ARIH2: variants seen among roughly 807,000 people sequenced by gnomAD.
ARIH2 encodes E3 ubiquitin-protein ligase ARIH2.
ARIH2 carries 12 observed loss-of-function variants against 79.8 expected under a neutral mutation model. The observed-to-expected ratio is 0.15, with a 90% CI of 0.10 to 0.24. The LOEUF is 0.24. Among genes scored for constraint, ARIH2 ranks in the 10% least tolerant of loss-of-function variants. ARIH2 has a pLI of 1.00. For missense variants in ARIH2, 301 were observed against 618.3 expected (o/e 0.49, Z 5.44); for synonymous variants, 224 against 213.9 (o/e 1.05, Z -0.41).
chr3:48,941,749 C>T (rs1434256867), intron 3 of ARIH2, among the ~76,000 whole-genome samples: 2 of 151,170 alleles, frequency 1.3e-5, no homozygotes, highest in Admixed American at 6.6e-5. Context: ...CCTGCCACCA[C>T]GCCCGGCTAA....
At chr3:48,948,943 C>T (rs2089586404) in intron 3 of ARIH2, 9 of 357,468 alleles carry the variant, frequency 2.5e-5, no homozygotes, top group Admixed American at 6.2e-5. Context: ...TTTGTTTACC[C>T]ATTCATTTGT....
rs752073580 is a variant in ARIH2 at position 48,983,319 on chromosome 3, C to T, written c.*49C>T. The T allele has an allele frequency of 1.3e-6, 2 of 1,592,696 alleles. No homozygotes were observed. Among genetic ancestry groups the T allele is most frequent in the Non-Finnish European group, 1.7e-6 (2 of 1,161,748 alleles). On this transcript the variant is annotated 3_prime_UTR_variant, in exon 16 of 16. Transcript: ENST00000356401. ...TGAGGAAGATGTGGCTGCAAGGTCT[C>T]CCGGCTGCCATACTGCATGCTGCAG...
At chr3:48,937,038 A>C (rs556769541) in intron 3 of ARIH2, among the ~76,000 whole-genome samples, 3 of 152,338 alleles carry the variant, frequency 2.0e-5, no homozygotes, top group Middle Eastern at 3.4e-3. Context: ...AAAAAAAAAA[A>C]CATGAATGAT....
chr3:48,932,170 A>G (rs906063164), intron 3 of ARIH2, among the ~76,000 whole-genome samples: 2 of 152,194 alleles, frequency 1.3e-5, no homozygotes, highest in African/African-American at 4.8e-5. Flanking sequence ...TCAAGGGCTC[A>G]AGATAGAGAA....
intron 7 of ARIH2, among the ~76,000 whole-genome samples, chr3:48,969,821 A>G (rs550561571): frequency 1.3e-5 from 2 of 151,614 alleles, no homozygotes; most frequent in East Asian, 1.9e-4. Context: ...CACATGCCGC[A>G]GGATAAACAG....
chr3:48,962,863 G>GT (rs984810033), intron 4 of ARIH2, among the ~76,000 whole-genome samples: 138 of 151,434 alleles, frequency 9.1e-4, no homozygotes, highest in African/African-American at 3.0e-3. Context: ...CGTATGGTAT[G>GT]TTTTTTTTTA....
At chr3:48,932,890 G>A (rs549672140) in intron 3 of ARIH2, among the ~76,000 whole-genome samples, 1 of 152,176 alleles carries the variant, frequency 6.6e-6, no homozygotes, top group African/African-American at 2.4e-5. Context: ...TGGTGTAGAA[G>A]GGCAATGCAG....
At chr3:48,956,520 C>T (rs1307933261) in intron 3 of ARIH2, among the ~76,000 whole-genome samples, 1 of 120,868 alleles carries the variant, frequency 8.3e-6, no homozygotes, top group African/African-American at 3.2e-5. Context: ...TGGTGTTGAA[C>T]TCCTGGGCTA....
In ARIH2 at chr3:48,927,522, A is replaced by T. The variant is rs753160014; in HGVS notation, c.-37A>T. 1 of 1,595,864 alleles carries T rather than the reference A, an allele frequency of 6.3e-7. No individual in the cohort carries two copies. On this transcript the variant is annotated 5_prime_UTR_variant, in exon 3 of 16. Transcript: ENST00000356401. ...GTTTTGGGGGGAGGGGGAAAAAGCA[A>T]CTGCTTTCCTGATCTGCAACTTGGC...
chr3:48,974,994 T>C lies in ARIH2; in HGVS notation c.961+15T>C. ...ATGTAAACACGGTGAGTTCCAAGCTTGGTGTGTAAGGCCCAGTGGCACTTT... is the reference window on the plus strand; with the variant it reads ...ATGTAAACACGGTGAGTTCCAAGCTCGGTGTGTAAGGCCCAGTGGCACTTT... On this transcript the variant is annotated intron_variant, in intron 11 of 15. Transcript: ENST00000356401. 1 of 1,614,204 alleles carries C rather than the reference T, an allele frequency of 6.2e-7. No individual in the cohort carries two copies. Among genetic ancestry groups the C allele is most frequent in the Non-Finnish European group, 8.5e-7 (1 of 1,180,032 alleles).
At chr3:48,948,795 A>G (rs1338810738) in intron 3 of ARIH2, among the ~76,000 whole-genome samples, 1 of 152,222 alleles carries the variant, frequency 6.6e-6, no homozygotes, top group Non-Finnish European at 1.5e-5. Flanking sequence ...AATTTGAATT[A>G]TACAATATGT....
At chr3:48,937,295 G>T (rs946678157) in intron 3 of ARIH2, among the ~76,000 whole-genome samples, 1 of 152,114 alleles carries the variant, frequency 6.6e-6, no homozygotes, top group African/African-American at 2.4e-5. Context: ...CTTTTTACAA[G>T]AAATCTTTCT....
chr3:48,940,313 T>C (rs2087898966), intron 3 of ARIH2, among the ~76,000 whole-genome samples: 1 of 151,982 alleles, frequency 6.6e-6, no homozygotes, highest in African/African-American at 2.4e-5. Context: ...GAGGTTGTGG[T>C]GAGCCCAGAT....
chr3:48,963,619 G>A (rs879373240), intron 4 of ARIH2, among the ~76,000 whole-genome samples: 5 of 152,126 alleles, frequency 3.3e-5, no homozygotes, highest in African/African-American at 9.7e-5. Context: ...ATATAGAAAA[G>A]GAATTATTGG....
At chr3:48,955,892 A>G (rs1364900695) in intron 3 of ARIH2, among the ~76,000 whole-genome samples, 1 of 151,978 alleles carries the variant, frequency 6.6e-6, no homozygotes. Flanking sequence ...CTTTTAGAAT[A>G]TATTATTCTA....
At chr3:48,958,801 G>A (rs1316995033) in intron 3 of ARIH2, among the ~76,000 whole-genome samples, 8 of 152,058 alleles carry the variant, frequency 5.3e-5, no homozygotes, top group Non-Finnish European at 1.0e-4. Flanking sequence ...GATTGCTTGC[G>A]CTTAGGAGTT....
At chr3:48,976,560 C>A (rs559718812) in intron 11 of ARIH2, among the ~76,000 whole-genome samples, 6 of 152,272 alleles carry the variant, frequency 3.9e-5, no homozygotes, top group Admixed American at 1.3e-4. Context: ...TAGACAGCAA[C>A]ATTGACTCTG....
intron 3 of ARIH2, among the ~76,000 whole-genome samples, chr3:48,932,080 G>A (rs2086445663): frequency 6.6e-6 from 1 of 152,170 alleles, no homozygotes; most frequent in South Asian, 2.1e-4. Flanking sequence ...TGATGTCAGA[G>A]GGTAACTTCC....
At position 48,974,801 on chromosome 3, in the gene ARIH2, C is replaced by A; in HGVS notation, c.889-16C>A. The A allele has an allele frequency of 6.2e-7, 1 of 1,612,500 alleles. No individual in the cohort carries two copies. Among genetic ancestry groups the A allele is most frequent in the Non-Finnish European group, 8.5e-7 (1 of 1,179,904 alleles). Reference sequence around the variant, plus strand: ...TGGTGGTGTGTGAGCCTAATGGCACCCTTCTGTCTCCTCAGTGTCCCAAGT... The same window carrying A: ...TGGTGGTGTGTGAGCCTAATGGCACACTTCTGTCTCCTCAGTGTCCCAAGT... On this transcript the variant is annotated splice_polypyrimidine_tract_variant and intron_variant, in intron 9 of 15. Transcript: ENST00000356401.
Sources: allele counts gnomAD v4.1 joint callset (sites outside exome capture counted in the v4.1 genomes callset), GRCh38; gene constraint gnomAD v4.1.1; transcripts MANE v1.5; gene names NCBI Gene and HGNC (gene_info 2026-07-23, HGNC 2026-07-21).